Variants in CDH13 observed in about 807,000 individuals in gnomAD.
The protein encoded by CDH13 is cadherin 13.
CDH13 carries 24 observed loss-of-function variants against 63.8 expected under a neutral mutation model. The observed-to-expected ratio is 0.38, with a 90% CI of 0.27 to 0.53. The LOEUF (loss-of-function observed/expected upper bound fraction) is 0.53. Ranked by LOEUF, CDH13 falls within the 20% of genes least tolerant of loss-of-function variation. The pLI, the probability that CDH13 is intolerant of heterozygous loss-of-function variation, is 0.85. For missense variants in CDH13, 1,049 were observed against 903.1 expected (o/e 1.16, Z -2.07); for synonymous variants, 503 against 355.3 (o/e 1.42, Z -4.67).
chr16:82,828,177 G>C (rs566107585), intron 1 of CDH13, among the ~76,000 whole-genome samples: 2 of 152,182 alleles, frequency 1.3e-5, no homozygotes, highest in Non-Finnish European at 2.9e-5. Flanking sequence ...TTCTGGAGCT[G>C]TGTTGAGGAA....
At chr16:83,609,170 G>A (rs991909417) in intron 8 of CDH13, among the ~76,000 whole-genome samples, 13 of 152,292 alleles carry the variant, frequency 8.5e-5, no homozygotes, top group African/African-American at 3.1e-4. Context: ...TGAGCTGGCA[G>A]CATGCAGCTG....
intron 5 of CDH13, among the ~76,000 whole-genome samples, chr16:83,314,805 C>T (rs1348624708): frequency 6.6e-6 from 1 of 152,226 alleles, no homozygotes; most frequent in Non-Finnish European, 1.5e-5. Flanking sequence ...GGTGCAACTT[C>T]ATTCTAAGAG....
intron 5 of CDH13, among the ~76,000 whole-genome samples, chr16:83,274,642 T>C: frequency 6.6e-6 from 1 of 152,080 alleles, no homozygotes; most frequent in African/African-American, 2.4e-5. Flanking sequence ...GCTGAATGAG[T>C]TGAAAATAAT....
intron 3 of CDH13, among the ~76,000 whole-genome samples, chr16:83,076,326 G>A (rs2032832418): frequency 6.6e-6 from 1 of 152,146 alleles, no homozygotes; most frequent in Non-Finnish European, 1.5e-5. Flanking sequence ...AGTATTGTAA[G>A]TGTCTGGATC....
At chr16:83,044,521 G>C (rs550042287) in intron 3 of CDH13, among the ~76,000 whole-genome samples, 1 of 152,286 alleles carries the variant, frequency 6.6e-6, no homozygotes, top group African/African-American at 2.4e-5. Flanking sequence ...AACAGCACGA[G>C]GTGTCTAAAT....
At chr16:83,285,859 A>G (rs1419584213) in intron 5 of CDH13, among the ~76,000 whole-genome samples, 1 of 152,198 alleles carries the variant, frequency 6.6e-6, no homozygotes, top group East Asian at 1.9e-4. Flanking sequence ...TAGAGGAAAA[A>G]AAATAAACTC....
Position 82,691,889 on chromosome 16 carries a change from C to T in CDH13, c.45+64752C>T, listed in dbSNP as rs143138488. 2.7e-3 allele frequency among the ~76,000 whole-genome samples: 412 copies of T among 152,124 alleles called. 3 individuals carry two copies. Among genetic ancestry groups the T allele is most frequent in the African/African-American group, 9.4e-3 (392 of 41,500 alleles). On this transcript the variant is annotated intron_variant, in intron 1 of 13. Coordinates refer to ENST00000567109, the MANE Select transcript of CDH13 (RefSeq NM_001257.5). ...GGAAATGCAAACCCTCAGGCTTTAC[C>T]GAGACCTCATGAATCAGAAAAGCTG...
intron 6 of CDH13, among the ~76,000 whole-genome samples, chr16:83,457,635 A>G (rs2073059542): frequency 6.6e-6 from 1 of 152,042 alleles, no homozygotes; most frequent in Non-Finnish European, 1.5e-5. Flanking sequence ...CCTAAGGCAG[A>G]CTCTGCTTTA....
chr16:83,112,716 T>A lies in CDH13; in HGVS notation c.367-12669T>A, dbSNP rs199947274. On this transcript the variant is annotated intron_variant, in intron 3 of 13. Coordinates refer to ENST00000567109, the MANE Select transcript of CDH13 (RefSeq NM_001257.5). ...TTACTTAGTCAAAAAGCATGAACACTTTAAAGGCTATCAAACATAGTTACA... is the reference window on the plus strand; with the variant it reads ...TTACTTAGTCAAAAAGCATGAACACATTAAAGGCTATCAAACATAGTTACA... Among the ~76,000 whole-genome samples, 609 of 152,354 alleles carry A rather than the reference T, an allele frequency of 4.0e-3. 16 individuals carry two copies. The highest frequency in any genetic ancestry group is 0.027 in the Admixed American group (419 of 15,302).
In CDH13 at chr16:82,761,017, C is replaced by CTTTTTTTTTTTTTTTTTTTTTTTTT. The variant is rs35038319; in HGVS notation, c.46-97340_46-97316dup. On this transcript the variant is annotated intron_variant, in intron 1 of 13. Coordinates refer to ENST00000567109, the MANE Select transcript of CDH13 (RefSeq NM_001257.5). ...CTCTGGGGTTCACATTTCTTTCTTT[C>CTTTTTTTTTTTTTTTTTTTTTTTTT]TTTTTTTTTTTTTTTTTTTTTTTTT... 5.6e-3 allele frequency among the ~76,000 whole-genome samples: 227 copies of CTTTTTTTTTTTTTTTTTTTTTTTTT among 40,478 alleles called. 60 individuals carry two copies. Among genetic ancestry groups the CTTTTTTTTTTTTTTTTTTTTTTTTT allele is most frequent in the Non-Finnish European group, 8.0e-3 (175 of 21,890 alleles). The allele number at this position is 40,478 out of a possible 152,430, so 26.6% of individuals were successfully genotyped here. A position where few individuals can be genotyped will look rare whatever the true frequency, so the allele number is the denominator to read the frequency against.
At chr16:83,302,977 C>A (rs1440746746) in intron 5 of CDH13, among the ~76,000 whole-genome samples, 1 of 152,236 alleles carries the variant, frequency 6.6e-6, no homozygotes, top group Non-Finnish European at 1.5e-5. Flanking sequence ...CGGTTCTTTT[C>A]ATGTCTCTGA....
chr16:83,089,345 T>G (rs2033779571), intron 3 of CDH13, among the ~76,000 whole-genome samples: 1 of 152,250 alleles, frequency 6.6e-6, no homozygotes, highest in Admixed American at 6.5e-5. Context: ...ATGGCCATAT[T>G]GTTTAATCAT....
At chr16:83,582,336 A>G (rs1474283633) in intron 7 of CDH13, among the ~76,000 whole-genome samples, 2 of 151,866 alleles carry the variant, frequency 1.3e-5, no homozygotes, top group African/African-American at 4.8e-5. Flanking sequence ...AAAAATATGT[A>G]TGTTTTAAGG....
At chr16:83,332,445 C>G (rs949632800) in intron 5 of CDH13, among the ~76,000 whole-genome samples, 2 of 151,982 alleles carry the variant, frequency 1.3e-5, no homozygotes, top group African/African-American at 4.8e-5. Context: ...ACTTACTTAA[C>G]AAAATGACTT....
chr16:83,003,056 G>A (rs1169979104), intron 2 of CDH13, among the ~76,000 whole-genome samples: 1 of 152,208 alleles, frequency 6.6e-6, no homozygotes, highest in Non-Finnish European at 1.5e-5. Context: ...CAGCTCATAT[G>A]TGGTGGTACT....
At chr16:83,106,640 C>T (rs1435531549) in intron 3 of CDH13, among the ~76,000 whole-genome samples, 2 of 152,176 alleles carry the variant, frequency 1.3e-5, no homozygotes, top group Non-Finnish European at 2.9e-5. Flanking sequence ...TGTGCCGCAA[C>T]TAAAATTATG....
Position 83,385,877 on chromosome 16 carries a change from C to G in CDH13, c.781+40871C>G, listed in dbSNP as rs555226346. On this transcript the variant is annotated intron_variant, in intron 6 of 13. Coordinates refer to ENST00000567109, the MANE Select transcript of CDH13 (RefSeq NM_001257.5). ...CTGACAGGCCAATGTACTGACTGCT[C>G]TCTCACCTGGGTCTGATCCCATCTG... Among the ~76,000 whole-genome samples, 9 of 152,306 alleles carry G rather than the reference C, an allele frequency of 5.9e-5. No individual in the cohort carries two copies. In the East Asian group the frequency reaches 9.7e-4, roughly 16 times the overall value.
chr16:82,900,672 C>T (rs1328052686), intron 2 of CDH13, among the ~76,000 whole-genome samples: 2 of 152,136 alleles, frequency 1.3e-5, no homozygotes, highest in African/African-American at 2.4e-5. Context: ...CCAACGTCCC[C>T]GAGGAGACGG....
intron 10 of CDH13, among the ~76,000 whole-genome samples, chr16:83,679,091 C>A (rs540344943): frequency 6.2e-5 from 6 of 97,084 alleles, no homozygotes; most frequent in African/African-American, 2.9e-4. Context: ...GAGGGGCAGG[C>A]AAAAATTAAT....
Sources: allele counts gnomAD v4.1 joint callset (sites outside exome capture counted in the v4.1 genomes callset), GRCh38; gene constraint gnomAD v4.1.1; transcripts MANE v1.5; gene names NCBI Gene and HGNC (gene_info 2026-07-23, HGNC 2026-07-21).